Variants in RABGAP1L observed in about 807,000 individuals in gnomAD.
RABGAP1L encodes rab GTPase-activating protein 1-like.
In RABGAP1L, 63 loss-of-function variants were observed where a neutral mutation model predicts 137.7. The observed-to-expected ratio is 0.46, with a 90% confidence interval of 0.37 to 0.56. The LOEUF is 0.56. Ranked by LOEUF, RABGAP1L falls within the 20% of genes least tolerant of loss-of-function variation. The pLI is 0.00. For synonymous variants in RABGAP1L, 431 were observed against 433.7 expected (o/e 0.99, Z 0.08); for missense variants, 1,095 against 1,244.0 (o/e 0.88, Z 1.80).
chr1:174,691,265 T>C (rs1678861727), intron 15 of RABGAP1L, among the ~76,000 whole-genome samples: 1 of 152,200 alleles, frequency 6.6e-6, no homozygotes, highest in Non-Finnish European at 1.5e-5. Flanking sequence ...CTATGGGGAT[T>C]ACTTTAAATT....
At chr1:174,573,512 T>A (rs191439719) in intron 13 of RABGAP1L, among the ~76,000 whole-genome samples, 250 of 152,264 alleles carry the variant, frequency 1.6e-3, no homozygotes, top group Non-Finnish European at 2.9e-3. Flanking sequence ...TTAAAAATAT[T>A]AATGATTACT....
intron 11 of RABGAP1L, among the ~76,000 whole-genome samples, chr1:174,339,932 A>G (rs1489126119): frequency 1.3e-5 from 2 of 152,122 alleles, no homozygotes; most frequent in East Asian, 3.8e-4. Context: ...ATGAAGCTTA[A>G]GTTTCAACTT....
intron 13 of RABGAP1L, among the ~76,000 whole-genome samples, chr1:174,517,087 T>G (rs547321249): frequency 9.9e-5 from 15 of 152,144 alleles, no homozygotes; most frequent in African/African-American, 3.4e-4. Context: ...AAACTTGTTA[T>G]AAAGTCCCTA....
At chr1:174,650,793 A>T (rs1211619693) in intron 14 of RABGAP1L, among the ~76,000 whole-genome samples, 3 of 147,742 alleles carry the variant, frequency 2.0e-5, no homozygotes, top group Non-Finnish European at 4.5e-5. Context: ...CAGCTCCTGG[A>T]TTCATTAATT....
intron 17 of RABGAP1L, among the ~76,000 whole-genome samples, 156 bp from the exon 18 acceptor site, chr1:174,752,157 A>T (rs1684391200): frequency 6.6e-6 from 1 of 152,216 alleles, no homozygotes; most frequent in Non-Finnish European, 1.5e-5. Flanking sequence ...ACTCAGGGAA[A>T]GAAAATACCT....
At chr1:174,948,949 G>A (rs973753729) in intron 19 of RABGAP1L, 4 of 152,106 alleles carry the variant, frequency 2.6e-5, no homozygotes, top group Admixed American at 2.0e-4. Flanking sequence ...TTAGCCACCT[G>A]TACTACAATA....
At chr1:174,616,562 A>T (rs772845178) in intron 13 of RABGAP1L, among the ~76,000 whole-genome samples, 1 of 152,186 alleles carries the variant, frequency 6.6e-6, no homozygotes, top group Non-Finnish European at 1.5e-5. Context: ...TCAGACATGG[A>T]CACTAGTTAA....
chr1:174,563,550 A>G (rs1306691613), intron 13 of RABGAP1L, among the ~76,000 whole-genome samples: 1 of 152,178 alleles, frequency 6.6e-6, no homozygotes, highest in Non-Finnish European at 1.5e-5. Flanking sequence ...AGCGTATGCA[A>G]AGCATGTAGA....
At chr1:174,782,638 A>C (rs1687101556) in intron 18 of RABGAP1L, among the ~76,000 whole-genome samples, 1 of 152,170 alleles carries the variant, frequency 6.6e-6, no homozygotes, top group African/African-American at 2.4e-5. Flanking sequence ...TTTGCATCAC[A>C]GTAGAGAATG....
At chr1:174,289,076 C>T (rs1676339620) in intron 10 of RABGAP1L, among the ~76,000 whole-genome samples, 1 of 152,164 alleles carries the variant, frequency 6.6e-6, no homozygotes, top group South Asian at 2.1e-4. Context: ...CTCACTGTGT[C>T]ACCCAGCCTG....
intron 19 of RABGAP1L, among the ~76,000 whole-genome samples, chr1:174,884,396 T>A (rs899050236): frequency 1.3e-4 from 20 of 152,188 alleles, no homozygotes; most frequent in African/African-American, 4.8e-4. Flanking sequence ...AAATCAATAC[T>A]GTTATTTCTA....
At chr1:174,749,910 C>G (rs1045235851) in intron 17 of RABGAP1L, among the ~76,000 whole-genome samples, 2 of 152,080 alleles carry the variant, frequency 1.3e-5, no homozygotes, top group African/African-American at 4.8e-5. Flanking sequence ...TGGAGTCTCG[C>G]TCTGTCACCC....
intron 19 of RABGAP1L, among the ~76,000 whole-genome samples, chr1:174,902,131 A>G (rs1206011969): frequency 6.6e-6 from 1 of 152,208 alleles, no homozygotes; most frequent in African/African-American, 2.4e-5. Flanking sequence ...CTGAAGACCC[A>G]CATTGGGAAT....
chr1:174,738,937 C>G (rs997248172), intron 17 of RABGAP1L, among the ~76,000 whole-genome samples: 2 of 152,200 alleles, frequency 1.3e-5, no homozygotes, highest in Non-Finnish European at 2.9e-5. Flanking sequence ...GTAGCTCTCA[C>G]TTTTAAATTG....
intron 11 of RABGAP1L, among the ~76,000 whole-genome samples, chr1:174,340,835 C>T (rs1043711308): frequency 4.6e-5 from 7 of 152,244 alleles, no homozygotes; most frequent in Middle Eastern, 3.4e-3. Context: ...CTAGATCTTT[C>T]GGGAATTGCC....
chr1:174,860,740 A>G (rs1650131273), intron 19 of RABGAP1L, among the ~76,000 whole-genome samples: 1 of 152,224 alleles, frequency 6.6e-6, no homozygotes, highest in African/African-American at 2.4e-5. Flanking sequence ...AAATGCTTAT[A>G]GTAAAGAACA....
At chr1:174,252,801 T>A (rs1024475432) in intron 7 of RABGAP1L, among the ~76,000 whole-genome samples, 1 of 152,238 alleles carries the variant, frequency 6.6e-6, no homozygotes, top group African/African-American at 2.4e-5. Context: ...GGTTTTAGTT[T>A]TTCAGTCATA....
chr1:174,885,749 C>G (rs1342436759), intron 19 of RABGAP1L, among the ~76,000 whole-genome samples: 2 of 151,990 alleles, frequency 1.3e-5, no homozygotes, highest in East Asian at 4.0e-4. Context: ...GAGTGGATCA[C>G]GAGGTCAGGA....
chr1:174,325,234 G>A (rs1020988498), intron 11 of RABGAP1L, among the ~76,000 whole-genome samples: 4 of 152,220 alleles, frequency 2.6e-5, no homozygotes, highest in East Asian at 1.9e-4. Context: ...CATGTTAATA[G>A]TGGGGGAAAG....
Sources: allele counts gnomAD v4.1 joint callset (sites outside exome capture counted in the v4.1 genomes callset), GRCh38; gene constraint gnomAD v4.1.1; transcripts MANE v1.5; gene names NCBI Gene and HGNC (gene_info 2026-07-23, HGNC 2026-07-21).